AGAP1: variants seen among roughly 807,000 people sequenced by gnomAD.
The protein encoded by AGAP1 is ArfGAP with GTPase domain, ankyrin repeat and PH domain 1.
AGAP1 carries 29 observed loss-of-function variants against 105.3 expected under a neutral mutation model. The ratio of observed to expected loss-of-function variants is 0.28; its 90% CI spans 0.21 to 0.38. The LOEUF is 0.38. Among genes scored for constraint, AGAP1 ranks in the 10% least tolerant of loss-of-function variants. The pLI, the probability that AGAP1 is intolerant of heterozygous loss-of-function variation, is 1.00. For synonymous variants in AGAP1, 509 were observed against 485.9 expected (o/e 1.05, Z -0.63); for missense variants, 998 against 1,165.1 (o/e 0.86, Z 2.09).
intron 6 of AGAP1, among the ~76,000 whole-genome samples, chr2:235,756,752 C>T (rs1033912897): frequency 4.6e-5 from 7 of 152,190 alleles, no homozygotes; most frequent in Admixed American, 6.5e-5. Context: ...CCTAGGAGCA[C>T]GAGCCCTGTT....
rs1287618502 is a variant in AGAP1, at chr2:236,124,382, G to T, written c.*260G>T. 3 of 536,272 alleles carry T rather than the reference G, an allele frequency of 5.6e-6. No individual in the cohort carries two copies. The highest frequency in any genetic ancestry group is 1.0e-5 in the Non-Finnish European group (3 of 296,952). The allele number at this position is 536,272 out of a possible 1,614,324, so 33.2% of individuals were successfully genotyped here. A position where few individuals can be genotyped will look rare whatever the true frequency, so the allele number is the denominator to read the frequency against. On this transcript the variant is annotated 3_prime_UTR_variant, in exon 18 of 18. Coordinates refer to ENST00000304032, the MANE Select transcript of AGAP1 (RefSeq NM_001037131.3). This position sits in a 1 kb window ranked among gnomAD's most constrained non-coding sequence, Gnocchi z 5.1. ...AACCACACACAGGAGAGAGCGACGG[G>T]CCTCGGCCCTTTGATGATAGCACAT...
chr2:235,778,042 T>C (rs1956014352), intron 6 of AGAP1, among the ~76,000 whole-genome samples: 1 of 152,156 alleles, frequency 6.6e-6, no homozygotes, highest in South Asian at 2.1e-4. Flanking sequence ...CTCACATTTC[T>C]GGCCACTGAG....
intron 1 of AGAP1, among the ~76,000 whole-genome samples, chr2:235,592,540 T>A (rs1945382351): frequency 6.6e-6 from 1 of 152,132 alleles, no homozygotes; most frequent in South Asian, 2.1e-4. Flanking sequence ...CATGAGCTCT[T>A]GGAGGTTCTC....
At chr2:236,004,610 GGAA>G (rs1331031320) in intron 13 of AGAP1, among the ~76,000 whole-genome samples, 1 of 152,166 alleles carries the variant, frequency 6.6e-6, no homozygotes, top group Non-Finnish European at 1.5e-5. Context: ...CACAGCATCC[GGAA>G]GAACTGGCAT....
rs950536470 is a variant in AGAP1, at chr2:236,001,688, C to G, written c.1645+33065C>G. On this transcript the variant is annotated intron_variant, in intron 13 of 17. Coordinates refer to ENST00000304032, the MANE Select transcript of AGAP1 (RefSeq NM_001037131.3). This position sits in a 1 kb window ranked among gnomAD's most constrained non-coding sequence, Gnocchi z 4.7. The stretch of plus-strand genomic sequence containing the variant: ...CACATCCTGGAGGGGCGGGGATTTC[C>G]CCTTTTGTTTTGTTTCTGTATAAGA... 1.3e-5 allele frequency among the ~76,000 whole-genome samples: 2 copies of G among 152,106 alleles called. No individual in the cohort carries two copies. The highest frequency in any genetic ancestry group is 4.8e-5 in the African/African-American group (2 of 41,428).
At chr2:235,536,753 C>G (rs963977062) in intron 1 of AGAP1, among the ~76,000 whole-genome samples, 4 of 152,262 alleles carry the variant, frequency 2.6e-5, no homozygotes, top group Admixed American at 6.5e-5. Flanking sequence ...TTTGGCATCC[C>G]CAAGTGCAGC....
chr2:236,100,963 C>A (rs909004577), intron 16 of AGAP1, among the ~76,000 whole-genome samples: 1 of 152,102 alleles, frequency 6.6e-6, no homozygotes, highest in African/African-American at 2.4e-5. Context: ...TTCATCTTGG[C>A]TGGAGTGAGT....
intron 1 of AGAP1, among the ~76,000 whole-genome samples, chr2:235,518,630 T>C (rs1344681133): frequency 1.3e-5 from 2 of 152,188 alleles, no homozygotes; most frequent in African/African-American, 2.4e-5. Context: ...TTTTCTGCCA[T>C]AGGACAAAGA....
At chr2:235,914,496 C>T (rs755526302) in intron 11 of AGAP1, among the ~76,000 whole-genome samples, 11 of 151,866 alleles carry the variant, frequency 7.2e-5, no homozygotes, top group Admixed American at 1.3e-4. Flanking sequence ...TAGAAAATAC[C>T]TGGAGGGGCT....
intron 1 of AGAP1, among the ~76,000 whole-genome samples, chr2:235,618,815 C>G (rs1386023899): frequency 6.6e-6 from 1 of 152,160 alleles, no homozygotes; most frequent in Non-Finnish European, 1.5e-5. Context: ...GTCCCAAGTC[C>G]TAATCCCTGA....
At chr2:235,942,003 G>A (rs1225902159) in intron 12 of AGAP1, among the ~76,000 whole-genome samples, 12 of 152,156 alleles carry the variant, frequency 7.9e-5, no homozygotes, top group Admixed American at 7.9e-4. Context: ...CCAGAACTCA[G>A]CTCTCTCCCA....
chr2:235,777,056 G>GGA lies in AGAP1; in HGVS notation c.674-20702_674-20701dup. The GGA allele has an allele frequency of 2.1e-6, 1 of 471,166 alleles. No individual in the cohort carries two copies. Among genetic ancestry groups the GGA allele is most frequent in the Non-Finnish European group, 4.4e-6 (1 of 227,056 alleles). The allele number at this position is 471,166 out of a possible 1,614,324, so 29.2% of individuals were successfully genotyped here. A position where few individuals can be genotyped will look rare whatever the true frequency, so the allele number is the denominator to read the frequency against. On this transcript the variant is annotated intron_variant, in intron 6 of 17. Coordinates refer to ENST00000304032, the MANE Select transcript of AGAP1 (RefSeq NM_001037131.3). The surrounding 1 kb of genome is among the most constrained non-coding windows in gnomAD (Gnocchi z 5.1). Reference sequence around the variant, plus strand: ...CAGGCTGGATCCTGCAGAGAAACGAGGAAGTATTAGACAGAAGTGATGCTG... The same window carrying GGA: ...CAGGCTGGATCCTGCAGAGAAACGAGGAGAAGTATTAGACAGAAGTGATGCTG...
rs892744633 is a variant in AGAP1, at chr2:235,927,207, G to T, written c.1325-3558G>T. On this transcript the variant is annotated intron_variant, in intron 11 of 17. Transcript: ENST00000304032. This position sits in a 1 kb window ranked among gnomAD's most constrained non-coding sequence, Gnocchi z 4.4. ...AGCTATAGGGCTCTAAGAGTCTGCC[G>T]TCAGAAGGATTGTGGATAGCTGGTC... 6.6e-6 allele frequency among the ~76,000 whole-genome samples: 1 copy of T among 152,140 alleles called. No homozygotes were observed.
At chr2:235,871,898 C>T (rs1382644840) in intron 9 of AGAP1, among the ~76,000 whole-genome samples, 1 of 152,196 alleles carries the variant, frequency 6.6e-6, no homozygotes, top group East Asian at 1.9e-4. Flanking sequence ...TTTATTTATA[C>T]AGGGACACCA....
intron 5 of AGAP1, among the ~76,000 whole-genome samples, chr2:235,748,919 T>C (rs2149702987): frequency 6.6e-6 from 1 of 152,334 alleles, no homozygotes; most frequent in Non-Finnish European, 1.5e-5. Context: ...TAGGAAACTG[T>C]CTCTGAAGGC....
intron 10 of AGAP1, among the ~76,000 whole-genome samples, chr2:235,907,826 A>AT (rs568975758): frequency 3.9e-5 from 6 of 151,900 alleles, no homozygotes; most frequent in Non-Finnish European, 5.9e-5. Flanking sequence ...TCTTATTTGT[A>AT]TTTTTTTTAA....
chr2:235,983,225 T>C lies in AGAP1; in HGVS notation c.1645+14602T>C, dbSNP rs1034823284. 6.6e-5 allele frequency among the ~76,000 whole-genome samples: 10 copies of C among 151,888 alleles called. No individual in the cohort carries two copies. Among genetic ancestry groups the C allele is most frequent in the Non-Finnish European group, 1.5e-4 (10 of 67,962 alleles). On this transcript the variant is annotated intron_variant, in intron 13 of 17. Coordinates refer to ENST00000304032, the MANE Select transcript of AGAP1 (RefSeq NM_001037131.3). The surrounding 1 kb of genome is among the most constrained non-coding windows in gnomAD (Gnocchi z 4.5). ...AAGGGGAGCTGCAGGAGGGTCTCTT[T>C]ACAGGTGTGCAAAGGACCAGCGCTG...
rs2106595923 is a variant in AGAP1 at position 235,877,860 on chromosome 2, G to A, written c.1051-5485G>A. On this transcript the variant is annotated intron_variant, in intron 9 of 17. Coordinates refer to ENST00000304032, the MANE Select transcript of AGAP1 (RefSeq NM_001037131.3). The surrounding 1 kb of genome is among the most constrained non-coding windows in gnomAD (Gnocchi z 4.3). ...CTAAAGTGGGCCACACTTTGAGCTGGAAAGTGCTTCCGTCTTTTGCCAACT... is the reference window on the plus strand; with the variant it reads ...CTAAAGTGGGCCACACTTTGAGCTGAAAAGTGCTTCCGTCTTTTGCCAACT... Among the ~76,000 whole-genome samples the A allele has an allele frequency of 6.6e-6, 1 of 152,320 alleles. No homozygotes were observed. Among genetic ancestry groups the A allele is most frequent in the Non-Finnish European group, 1.5e-5 (1 of 68,034 alleles).
chr2:235,924,143 C>G (rs918726796), intron 11 of AGAP1, among the ~76,000 whole-genome samples: 1 of 152,108 alleles, frequency 6.6e-6, no homozygotes, highest in African/African-American at 2.4e-5. Context: ...ACATCCCTTG[C>G]AAGATACTAC....
Sources: gnomAD v4.1 joint callset for allele counts (sites outside exome capture counted in the v4.1 genomes callset) on GRCh38, gnomAD v4.1.1 for gene constraint, Gnocchi (gnomAD v3.1) non-coding constraint, MANE v1.5 for transcripts, NCBI Gene and HGNC (gene_info 2026-07-23, HGNC 2026-07-21) for gene names.